Variants in CMPK1 observed in about 807,000 individuals in gnomAD.
CMPK1 encodes UMP-CMP kinase.
A neutral mutation model predicts 25.7 loss-of-function variants in CMPK1; 10 were observed. The observed-to-expected ratio is 0.39, with a 90% CI of 0.24 to 0.66. The LOEUF (loss-of-function observed/expected upper bound fraction) is 0.66, where lower values mean the gene tolerates loss of function less well. Ranked by LOEUF, CMPK1 falls within the 30% of genes least tolerant of loss-of-function variation. The pLI, the probability that CMPK1 is intolerant of heterozygous loss-of-function variation, is 0.48. For synonymous variants in CMPK1, 106 were observed against 101.5 expected (o/e 1.04, Z -0.27); for missense variants, 199 against 280.5 (o/e 0.71, Z 2.08).
intron 4 of CMPK1, 31 bp from the exon 5 acceptor site, chr1:47,375,166 T>A: frequency 3.3e-6 from 5 of 1,517,200 alleles, no homozygotes; most frequent in Non-Finnish European, 4.6e-6. Flanking sequence ...GATAGATACC[T>A]AGAACCTTGC....
At chr1:47,374,642 T>G (rs899858204) in intron 3 of CMPK1, among the ~76,000 whole-genome samples, 9 of 152,230 alleles carry the variant, frequency 5.9e-5, no homozygotes, top group African/African-American at 2.2e-4. Context: ...CATACAGATC[T>G]TTTTATTACA....
In CMPK1 at chr1:47,347,832, T is replaced by C. The variant is rs1646495854; in HGVS notation, c.171+13716T>C. 2.6e-5 allele frequency among the ~76,000 whole-genome samples: 4 copies of C among 152,164 alleles called. No individual in the cohort carries two copies. In the South Asian group the frequency reaches 8.3e-4, roughly 32 times the overall value. ...TATTAGTAGAGACGGCATTTCACCA[T>C]GTTGGCCAGGGTGGTCTCGAGCATC... On this transcript the variant is annotated intron_variant, in intron 1 of 5. Coordinates refer to ENST00000371873, the MANE Select transcript of CMPK1 (RefSeq NM_016308.3).
chr1:47,348,896 C>A (rs557701181), intron 1 of CMPK1, among the ~76,000 whole-genome samples: 3 of 152,198 alleles, frequency 2.0e-5, no homozygotes, highest in African/African-American at 7.2e-5. Flanking sequence ...ATAGAGACAG[C>A]AAAGATGTTT....
rs150769573 is a variant in CMPK1, at chr1:47,368,012, C to T, written c.172-457C>T. Reference sequence around the variant, plus strand: ...TCGCCCAGGCTGGAGTGCGGTGGCACGATCTCAGCTCACTGCAACCTCCGC... The same window carrying T: ...TCGCCCAGGCTGGAGTGCGGTGGCATGATCTCAGCTCACTGCAACCTCCGC... On this transcript the variant is annotated intron_variant, in intron 1 of 5. Coordinates refer to ENST00000371873, the MANE Select transcript of CMPK1 (RefSeq NM_016308.3). Among the ~76,000 whole-genome samples the T allele has an allele frequency of 3.7e-3, 557 of 152,190 alleles. 2 individuals are homozygous for T. Among genetic ancestry groups the T allele is most frequent in the African/African-American group, 0.012 (519 of 41,526 alleles).
At chr1:47,367,930 G>C (rs1203225665) in intron 1 of CMPK1, among the ~76,000 whole-genome samples, 2 of 151,928 alleles carry the variant, frequency 1.3e-5, no homozygotes, top group Admixed American at 6.6e-5. Flanking sequence ...ACCATACCCA[G>C]CTAATTTTTA....
chr1:47,354,394 T>C (rs975099891), intron 1 of CMPK1, among the ~76,000 whole-genome samples: 4 of 152,148 alleles, frequency 2.6e-5, no homozygotes, highest in Non-Finnish European at 5.9e-5. Context: ...AAAGTTTATA[T>C]GTATATGTGT....
intron 4 of CMPK1, 50 bp downstream of exon 4, chr1:47,375,035 T>C (rs1232674657): frequency 6.9e-7 from 1 of 1,443,530 alleles, no homozygotes; most frequent in Non-Finnish European, 9.7e-7. Context: ...ACCTGCCTTA[T>C]TTGGTACAGG....
chr1:47,369,121 A>G (rs1249021196), intron 2 of CMPK1, among the ~76,000 whole-genome samples: 3 of 152,126 alleles, frequency 2.0e-5, no homozygotes, highest in African/African-American at 7.2e-5. Flanking sequence ...TTCCCACCTC[A>G]GCCTCCTGAA....
At chr1:47,344,378 A>T (rs759877927) in intron 1 of CMPK1, among the ~76,000 whole-genome samples, 1 of 152,186 alleles carries the variant, frequency 6.6e-6, no homozygotes, top group Non-Finnish European at 1.5e-5. Context: ...TTCAATTCTG[A>T]GTAAAGTGTG....
At chr1:47,347,476 C>T (rs1041428397) in intron 1 of CMPK1, among the ~76,000 whole-genome samples, 6 of 152,244 alleles carry the variant, frequency 3.9e-5, no homozygotes, top group African/African-American at 9.6e-5. Flanking sequence ...CCCCAAATGC[C>T]GAGATTACGG....
chr1:47,333,988 C>A lies in CMPK1; in HGVS notation c.43C>A (p.Leu15Ile). The A allele has an allele frequency of 6.5e-7, 1 of 1,540,816 alleles. No homozygotes were observed. Among genetic ancestry groups the A allele is most frequent in the East Asian group, 2.6e-5 (1 of 39,166 alleles). ...CAGCGGGCTGCTCCACGTCCTGGGC[C>A]TTAGCTTCCTGCTGCAGACCCGCCG... is the stretch of plus-strand genomic sequence containing the variant. ...CRSGLLHVLG[L>I]SFLLQTRRPI... Residue 15 changes from leucine (L) to isoleucine (I), a missense_variant, in exon 1 of 6, where the codon CTT (leucine) becomes ATT (isoleucine). By Grantham distance (5) the Leu-to-Ile change is conservative. This residue lies in a region of CMPK1 where 59 missense variants were observed against 45.1 expected (regional missense o/e 1.31). Transcript: ENST00000371873.
chr1:47,345,962 T>A (rs569111273), intron 1 of CMPK1, among the ~76,000 whole-genome samples: 1 of 151,804 alleles, frequency 6.6e-6, no homozygotes, highest in Non-Finnish European at 1.5e-5. Flanking sequence ...ACCATGTTGG[T>A]TGGACTCCTG....
At chr1:47,334,246 GC>G in intron 1 of CMPK1, 130 bp downstream of exon 1, 3 of 921,138 alleles carry the variant, frequency 3.3e-6, no homozygotes, top group Non-Finnish European at 4.2e-6. Context: ...CCACCGCGCC[GC>G]CCGCGTGGCA....
chr1:47,369,022 TTTTGA>T (rs1251914929), intron 2 of CMPK1, among the ~76,000 whole-genome samples: 1 of 152,090 alleles, frequency 6.6e-6, no homozygotes, highest in African/African-American at 2.4e-5. Context: ...TTTTGTTTTG[TTTTGA>T]GACAGTGTCT....
chr1:47,334,216 C>T, intron 1 of CMPK1, 100 bp downstream of exon 1: 1 of 1,125,414 alleles, frequency 8.9e-7, no homozygotes. Flanking sequence ...CGCCGAGCCG[C>T]AGACTACGAG....
chr1:47,359,579 G>A (rs1276950239), intron 1 of CMPK1, among the ~76,000 whole-genome samples: 1 of 151,336 alleles, frequency 6.6e-6, no homozygotes, highest in Non-Finnish European at 1.5e-5. Flanking sequence ...TGTAAAGATG[G>A]GGTTTCACCA....
intron 1 of CMPK1, among the ~76,000 whole-genome samples, chr1:47,340,796 C>T (rs1646436259): frequency 6.6e-6 from 1 of 152,128 alleles, no homozygotes; most frequent in Non-Finnish European, 1.5e-5. Context: ...CGCCACCATG[C>T]CCGGCTAATT....
chr1:47,345,702 C>G (rs1646478727), intron 1 of CMPK1, among the ~76,000 whole-genome samples: 2 of 151,496 alleles, frequency 1.3e-5, no homozygotes, highest in Non-Finnish European at 2.9e-5. Flanking sequence ...CGTGATCCCC[C>G]CACCTCGGCC....
intron 1 of CMPK1, among the ~76,000 whole-genome samples, chr1:47,364,184 A>G (rs1191307983): frequency 6.6e-6 from 1 of 152,206 alleles, no homozygotes; most frequent in Non-Finnish European, 1.5e-5. Flanking sequence ...AAGAAAAAAA[A>G]AGATTCTAAG....
Sources: gnomAD v4.1 joint callset for allele counts (sites outside exome capture counted in the v4.1 genomes callset) on GRCh38, gnomAD v4.1.1 for gene constraint, gnomAD v4.1.1 regional missense constraint, MANE v1.5 for transcripts, NCBI Gene and HGNC (gene_info 2026-07-23, HGNC 2026-07-21) for gene names.